The following EYA2 variants were observed in gnomAD, a reference collection of about 807,000 sequenced individuals.
EYA2 encodes EYA transcriptional coactivator and phosphatase 2, also known as protein phosphatase EYA2.
EYA2 carries 31 observed loss-of-function variants against 69.2 expected under a neutral mutation model. The observed-to-expected ratio is 0.45, with a 90% CI of 0.34 to 0.60. The LOEUF (loss-of-function observed/expected upper bound fraction) is 0.60. Among genes scored for constraint, EYA2 ranks in the 20% least tolerant of loss-of-function variants. EYA2 has a pLI of 0.02. For missense variants in EYA2, 622 were observed against 701.2 expected, an observed-to-expected ratio of 0.89 and a Z score of 1.28; for synonymous variants, 257 against 279.4, an observed-to-expected ratio of 0.92 and a Z score of 0.80.
intron 5 of EYA2, among the ~76,000 whole-genome samples, chr20:47,018,274 T>C (rs1272605694): frequency 6.6e-6 from 1 of 152,056 alleles, no homozygotes; most frequent in South Asian, 2.1e-4. Context: ...CAATAAGTGA[T>C]CTAAGTTATG....
At chr20:47,118,169 A>C (rs2032954261) in intron 9 of EYA2, among the ~76,000 whole-genome samples, 1 of 152,208 alleles carries the variant, frequency 6.6e-6, no homozygotes, top group South Asian at 2.1e-4. Context: ...TTTGAAAAGG[A>C]TTTTCTGAGG....
At chr20:47,114,532 T>C (rs976385746) in intron 9 of EYA2, among the ~76,000 whole-genome samples, 6 of 152,180 alleles carry the variant, frequency 3.9e-5, no homozygotes, top group Non-Finnish European at 7.3e-5. Context: ...AAAGAATCAC[T>C]TGAACCCAGG....
In EYA2 at chr20:46,966,874, C is replaced by A. The variant is rs192026580; in HGVS notation, c.-10-23127C>A. Among the ~76,000 whole-genome samples, 276 of 151,818 alleles carry A rather than the reference C, an allele frequency of 1.8e-3. 1 individual carries two copies. The highest frequency in any genetic ancestry group is 6.3e-3 in the African/African-American group (263 of 41,456). ...AACTCAAGATGTCAAAAAATATTAT[C>A]ATTTCAATACATCATCCATACTTTT... is the stretch of plus-strand genomic sequence containing the variant. On this transcript the variant is annotated intron_variant, in intron 1 of 15. Transcript: ENST00000327619.
intron 11 of EYA2, among the ~76,000 whole-genome samples, chr20:47,170,427 A>C (rs1307570365): frequency 1.3e-5 from 2 of 151,534 alleles, no homozygotes; most frequent in Admixed American, 1.3e-4. Context: ...CGCAAGGATC[A>C]CCTGAGGTCA....
At chr20:47,166,002 C>A (rs558048398) in intron 10 of EYA2, among the ~76,000 whole-genome samples, 85 of 152,052 alleles carry the variant, frequency 5.6e-4, no homozygotes, top group African/African-American at 2.0e-3. Context: ...CCAGCCTGGG[C>A]AACATATTGA....
chr20:47,000,470 C>T (rs1045215812), intron 2 of EYA2, among the ~76,000 whole-genome samples: 1 of 152,170 alleles, frequency 6.6e-6, no homozygotes, highest in Admixed American at 6.5e-5. Flanking sequence ...GATGACGCAG[C>T]CACTGCCCTA....
At chr20:46,965,539 T>C (rs1979725137) in intron 1 of EYA2, among the ~76,000 whole-genome samples, 1 of 152,210 alleles carries the variant, frequency 6.6e-6, no homozygotes, top group Non-Finnish European at 1.5e-5. Context: ...GGCCACCAGG[T>C]GCCAGGGCCT....
At chr20:47,064,011 A>G (rs1038504540) in intron 5 of EYA2, among the ~76,000 whole-genome samples, 2 of 152,202 alleles carry the variant, frequency 1.3e-5, no homozygotes, top group African/African-American at 4.8e-5. Flanking sequence ...GCTGGAGTGC[A>G]GTGGCGCCAT....
At chr20:46,987,380 A>G (rs192016942) in intron 1 of EYA2, among the ~76,000 whole-genome samples, 76 of 152,330 alleles carry the variant, frequency 5.0e-4, no homozygotes, top group African/African-American at 1.8e-3. Flanking sequence ...GGGTCACACA[A>G]AAACAGCTGT....
At chr20:46,917,794 C>T (rs899911806) in intron 1 of EYA2, among the ~76,000 whole-genome samples, 5 of 152,138 alleles carry the variant, frequency 3.3e-5, no homozygotes, top group African/African-American at 4.8e-5. Flanking sequence ...GAGCCTTTAG[C>T]GAGTTGTAGT....
intron 5 of EYA2, among the ~76,000 whole-genome samples, chr20:47,042,746 G>T (rs1369845133): frequency 6.6e-6 from 1 of 152,122 alleles, no homozygotes; most frequent in Admixed American, 6.5e-5. Context: ...TCATCCTTAT[G>T]CCTCTTATCA....
chr20:47,056,927 C>T (rs534490878), intron 5 of EYA2, among the ~76,000 whole-genome samples: 1 of 152,062 alleles, frequency 6.6e-6, no homozygotes, highest in African/African-American at 2.4e-5. Flanking sequence ...CACCTGTAGT[C>T]CCAGCTGCTT....
chr20:47,109,191 C>T (rs564538665), intron 9 of EYA2, among the ~76,000 whole-genome samples: 1 of 152,308 alleles, frequency 6.6e-6, no homozygotes, highest in South Asian at 2.1e-4. Context: ...CTGTTGGCAA[C>T]CAGCCAATTC....
chr20:47,024,824 C>A (rs547194937), intron 5 of EYA2, among the ~76,000 whole-genome samples: 16 of 152,234 alleles, frequency 1.1e-4, no homozygotes, highest in Non-Finnish European at 1.9e-4. Context: ...GAGGGTAAAT[C>A]CAGACCTTGT....
chr20:46,939,779 C>T (rs1211388493), intron 1 of EYA2, among the ~76,000 whole-genome samples: 1 of 152,160 alleles, frequency 6.6e-6, no homozygotes, highest in Non-Finnish European at 1.5e-5. Context: ...TCCTACCTTC[C>T]ATAACGGGTT....
intron 4 of EYA2, among the ~76,000 whole-genome samples, chr20:47,007,640 G>C (rs1421385773): frequency 1.7e-4 from 26 of 151,994 alleles, no homozygotes; most frequent in Admixed American, 1.7e-3. Context: ...TTTAGAGACA[G>C]GGTCTGGCTC....
intron 9 of EYA2, among the ~76,000 whole-genome samples, chr20:47,129,829 A>G (rs2033292238): frequency 6.6e-6 from 1 of 152,240 alleles, no homozygotes; most frequent in Non-Finnish European, 1.5e-5. Flanking sequence ...GAGCAGGTGC[A>G]TAGTAGACCA....
intron 12 of EYA2, among the ~76,000 whole-genome samples, chr20:47,173,509 TAAAAA>T (rs767756028): frequency 2.4e-5 from 2 of 83,648 alleles, no homozygotes; most frequent in Admixed American, 1.6e-4. Flanking sequence ...TGAGACCCCG[TAAAAA>T]AAAAAAAAAA....
At chr20:47,015,278 G>A (rs909074277) in intron 4 of EYA2, among the ~76,000 whole-genome samples, 1 of 152,176 alleles carries the variant, frequency 6.6e-6, no homozygotes, top group African/African-American at 2.4e-5. Context: ...TTAAGTGAAT[G>A]AGCTGATGAT....
Sources: gnomAD v4.1 joint callset for allele counts (sites outside exome capture counted in the v4.1 genomes callset) on GRCh38, gnomAD v4.1.1 for gene constraint, MANE v1.5 for transcripts, NCBI Gene and HGNC (gene_info 2026-07-23, HGNC 2026-07-21) for gene names.